The following MAX variants were observed in gnomAD, a reference collection of about 807,000 sequenced individuals.
MAX encodes the protein MYC associated transcriptional regulator X.
MAX carries 3 observed loss-of-function variants against 22.3 expected under a neutral mutation model. The observed-to-expected ratio is 0.13, with a 90% CI of 0.06 to 0.35. The LOEUF is 0.35. MAX is among the 10% of genes least tolerant of loss of function. The probability of loss-of-function intolerance (pLI) is 1.00; values close to 1 mark genes in which losing one functional copy is unlikely to be tolerated. For missense variants in MAX, 119 were observed against 209.4 expected, an observed-to-expected ratio of 0.57 and a Z score of 2.66; for synonymous variants, 72 against 77.7, an observed-to-expected ratio of 0.93 and a Z score of 0.39.
At chr14:65,070,848 G>C (rs1230067205), downstream of MAX, among the ~76,000 whole-genome samples, 1 of 152,250 alleles carries the variant, frequency 6.6e-6, no homozygotes, top group Non-Finnish European at 1.5e-5. This position sits in a 1 kb window ranked among gnomAD's most constrained non-coding sequence, Gnocchi z 4.4. Flanking sequence ...ACCTGGCACA[G>C]TGCCTGCCAC....
rs1444939955 is a variant in MAX at position 65,082,339 on chromosome 14, A to G, written c.172-4303T>C. 6.6e-6 allele frequency: 1 copy of G among 152,232 alleles called. No individual in the cohort carries two copies. The highest frequency in any genetic ancestry group is 2.4e-5 in the African/African-American group (1 of 41,466). 9.4% of individuals were successfully genotyped at this position (152,232 alleles called of 1,614,324 possible). ...ACAAGGACGTCAAATGGAAGACCCT[A>G]GTGAAGGTGGTTTTCTTGGAGGAGT... On this transcript the variant is annotated intron_variant, in intron 3 of 4. Coordinates refer to ENST00000358664, the MANE Select transcript of MAX (RefSeq NM_002382.5). The surrounding 1 kb of genome is among the most constrained non-coding windows in gnomAD (Gnocchi z 4.8).
Position 65,015,303 on chromosome 14 carries a change from A to G in MAX, c.172-9019T>C, listed in dbSNP as rs142318296. On this transcript the variant is annotated intron_variant, in intron 3 of 3. Coordinates refer to the MAX transcript ENST00000341653. Reference sequence around the variant, plus strand: ...ATTTTAATAGAGACAGGGTTTCGCCATGTTGGCCAGGCTGGTCTTGAACTC... The same window carrying G: ...ATTTTAATAGAGACAGGGTTTCGCCGTGTTGGCCAGGCTGGTCTTGAACTC... Among the ~76,000 whole-genome samples the G allele has an allele frequency of 9.3e-3, 1,399 of 150,806 alleles. 22 individuals are homozygous for G. Among genetic ancestry groups the G allele is most frequent in the African/African-American group, 0.032 (1,296 of 41,058 alleles).
At chr14:65,043,828 CAAAAAAAAAA>C (rs749243788) in intron 3 of MAX, among the ~76,000 whole-genome samples, 18 of 64,242 alleles carry the variant, frequency 2.8e-4, no homozygotes, top group South Asian at 8.0e-4. Flanking sequence ...GACTCCGTCT[CAAAAAAAAAA>C]AAAAAAAAAA....
chr14:65,053,518 GCCATTGAT>G (rs1555337898), intron 3 of MAX, among the ~76,000 whole-genome samples: 1 of 151,832 alleles, frequency 6.6e-6, no homozygotes, highest in Non-Finnish European at 1.5e-5. Context: ...ACCCCTTGAG[GCCATTGAT>G]CTTGGCACCT....
chr14:65,036,774 A>G (rs1349199394), intron 3 of MAX, among the ~76,000 whole-genome samples: 1 of 152,002 alleles, frequency 6.6e-6, no homozygotes, highest in Non-Finnish European at 1.5e-5. Flanking sequence ...GCTCACTGCA[A>G]CCTCAGGTGC....
At chr14:65,067,911 G>C (rs1248107445) in intron 3 of MAX, among the ~76,000 whole-genome samples, 3 of 151,758 alleles carry the variant, frequency 2.0e-5, no homozygotes, top group African/African-American at 4.8e-5. Context: ...ATGATTACAG[G>C]CATGAGCCAC....
chr14:65,102,611 G>A (rs554425310), upstream of MAX: 15 of 1,360,924 alleles, frequency 1.1e-5, no homozygotes, highest in African/African-American at 1.8e-4. Context: ...TGTAGTTCTT[G>A]TCCCTCTAAC....
chr14:65,077,771 T>C lies in MAX; in HGVS notation c.295+142A>G. 1.2e-6 allele frequency: 2 copies of C among 1,613,382 alleles called. No homozygotes were observed. The highest frequency in any genetic ancestry group is 1.7e-6 in the Non-Finnish European group (2 of 1,179,838). On this transcript the variant is annotated intron_variant, in intron 4 of 4. Transcript: ENST00000358664. This position sits in a 1 kb window ranked among gnomAD's most constrained non-coding sequence, Gnocchi z 6.3. Reference sequence around the variant, plus strand: ...CCTCAGGACGGCTCTAACACTCAGTTACTCAGGCCCCAAGAAGCAGGACCA... The same window carrying C: ...CCTCAGGACGGCTCTAACACTCAGTCACTCAGGCCCCAAGAAGCAGGACCA...
intron 3 of MAX, among the ~76,000 whole-genome samples, chr14:65,042,894 C>T (rs2062384071): frequency 1.3e-5 from 2 of 152,148 alleles, no homozygotes; most frequent in African/African-American, 4.8e-5. Context: ...TAAGATCAAC[C>T]GAGGATATAT....
At chr14:65,060,241 G>A (rs563131784) in intron 3 of MAX, among the ~76,000 whole-genome samples, 4 of 151,962 alleles carry the variant, frequency 2.6e-5, no homozygotes, top group Non-Finnish European at 5.9e-5. Flanking sequence ...TTAATATTTT[G>A]GTATGGGTAC....
chr14:65,024,767 C>T (rs1000394120), intron 3 of MAX, among the ~76,000 whole-genome samples: 3 of 151,916 alleles, frequency 2.0e-5, no homozygotes, highest in Non-Finnish European at 4.4e-5. Context: ...GTTTTTCTCC[C>T]CCTACATTTG....
At chr14:65,099,515 C>T (rs577697520) in intron 2 of MAX, among the ~76,000 whole-genome samples, 44 of 142,012 alleles carry the variant, frequency 3.1e-4, no homozygotes, top group Admixed American at 6.1e-4. Flanking sequence ...TCAAGAACTG[C>T]GAGCCAAAAT....
chr14:65,032,472 G>C lies in MAX; in HGVS notation c.172-26188C>G. On this transcript the variant is annotated intron_variant, in intron 3 of 3. Coordinates refer to the MAX transcript ENST00000341653. This position sits in a 1 kb window ranked among gnomAD's most constrained non-coding sequence, Gnocchi z 5.0. ...CACCTCTCAGTTGGAGACCCAGGAG[G>C]ACTGACCGTGTGCCAAGAGTGAGGA... 1 of 788,810 alleles carries C rather than the reference G, an allele frequency of 1.3e-6. No individual in the cohort carries two copies. The highest frequency in any genetic ancestry group is 2.0e-5 in the South Asian group (1 of 49,446). 48.9% of individuals were successfully genotyped at this position (788,810 alleles called of 1,614,324 possible). A position where few individuals can be genotyped will look rare whatever the true frequency, so the allele number is the denominator to read the frequency against.
intron 3 of MAX, among the ~76,000 whole-genome samples, chr14:65,050,651 T>C (rs1293899924): frequency 6.6e-6 from 1 of 152,246 alleles, no homozygotes; most frequent in Non-Finnish European, 1.5e-5. Flanking sequence ...TAAATTTTGC[T>C]GGTAGCTATA....
intron 3 of MAX, among the ~76,000 whole-genome samples, chr14:65,033,373 T>C (rs1195398333): frequency 1.3e-5 from 2 of 152,202 alleles, no homozygotes; most frequent in Non-Finnish European, 2.9e-5. Context: ...ACACCAAATT[T>C]AGCATAGTGA....
chr14:65,092,321 T>A (rs959009291), intron 3 of MAX, among the ~76,000 whole-genome samples: 2 of 152,312 alleles, frequency 1.3e-5, no homozygotes, highest in Admixed American at 6.5e-5. Context: ...CACTCCTGGT[T>A]AGGTGAGACT....
chr14:65,010,225 C>T (rs2061662231), intron 3 of MAX, among the ~76,000 whole-genome samples: 1 of 152,236 alleles, frequency 6.6e-6, no homozygotes, highest in South Asian at 2.1e-4. Context: ...GTAAACTCTC[C>T]TGTTTCTCTC....
intron 3 of MAX, chr14:65,040,701 G>T: frequency 7.3e-7 from 1 of 1,367,028 alleles, no homozygotes; most frequent in Non-Finnish European, 9.6e-7. Context: ...TAATCTGAGT[G>T]AACTTTTTCT....
In MAX at chr14:65,078,685, T is replaced by A. The variant is rs940737022; in HGVS notation, c.172-649A>T. 6.6e-6 allele frequency among the ~76,000 whole-genome samples: 1 copy of A among 152,036 alleles called. No homozygotes were observed. The highest frequency in any genetic ancestry group is 1.5e-5 in the Non-Finnish European group (1 of 68,004). On this transcript the variant is annotated intron_variant, in intron 3 of 4. Transcript: ENST00000358664. This position sits in a 1 kb window ranked among gnomAD's most constrained non-coding sequence, Gnocchi z 6.4. Reference sequence around the variant, plus strand: ...GCTGGGATTACAAGTACATGCCACGTTGCCTGGCTAATTTTTACATTTTTA... The same window carrying A: ...GCTGGGATTACAAGTACATGCCACGATGCCTGGCTAATTTTTACATTTTTA...
Sources: allele counts gnomAD v4.1 joint callset (sites outside exome capture counted in the v4.1 genomes callset), GRCh38; gene constraint gnomAD v4.1.1; non-coding constraint Gnocchi (gnomAD v3.1); transcripts MANE v1.5; gene names NCBI Gene and HGNC (gene_info 2026-07-23, HGNC 2026-07-21).